The following RBL1 variants were observed in gnomAD, a reference collection of about 807,000 sequenced individuals.
RBL1 encodes RB transcriptional corepressor like 1, also known as retinoblastoma-like protein 1.
RBL1 carries 82 observed loss-of-function variants against 123.0 expected under a neutral mutation model. The observed-to-expected ratio is 0.67, with a 90% CI of 0.56 to 0.80. The LOEUF is 0.80. Ranked by LOEUF, RBL1 falls within the 30% of genes least tolerant of loss-of-function variation. The pLI, the probability that RBL1 is intolerant of heterozygous loss-of-function variation, is 0.00. For synonymous variants in RBL1, 405 were observed against 441.3 expected, an observed-to-expected ratio of 0.92 and a Z score of 1.03; for missense variants, 1,171 against 1,299.6, an observed-to-expected ratio of 0.90 and a Z score of 1.52.
chr20:37,018,327 C>A lies in RBL1; in HGVS notation c.2674G>T (p.Val892Leu). ...TCATTTATATTTTTATTATATGCCA[C>A]AACTTCTCTTGGAATACTTTTCAGC... is the stretch of plus-strand genomic sequence containing the variant. ...VLLKSIPREVVAYNKNINDDF... is the reference protein window; with the variant it reads ...VLLKSIPREVLAYNKNINDDF... The change falls in exon 19 of 22, where the codon GTG becomes TTG. Residue 892 changes from valine (V) to leucine (L), a missense_variant. Physicochemically the swap from Val to Leu is conservative, Grantham distance 32. Transcript: ENST00000373664. 1 of 1,611,334 alleles carries A rather than the reference C, an allele frequency of 6.2e-7. No homozygotes were observed. The highest frequency in any genetic ancestry group is 8.5e-7 in the Non-Finnish European group (1 of 1,179,132).
At chr20:37,085,195 G>A (rs927557197) in intron 2 of RBL1, among the ~76,000 whole-genome samples, 6 of 146,382 alleles carry the variant, frequency 4.1e-5, no homozygotes, top group African/African-American at 7.6e-5. Flanking sequence ...ACAATGGCAC[G>A]ATCTCTGCTA....
At chr20:37,016,021 G>A (rs1435995370) in intron 19 of RBL1, among the ~76,000 whole-genome samples, 2 of 112,502 alleles carry the variant, frequency 1.8e-5, no homozygotes, top group African/African-American at 6.7e-5. Context: ...GTGCCCAGCG[G>A]TTTTTTTTTT....
chr20:37,056,023 G>A, intron 10 of RBL1, 123 bp downstream of exon 10: 3 of 1,442,550 alleles, frequency 2.1e-6, no homozygotes, highest in Non-Finnish European at 1.8e-6. Context: ...CTCCAGCCTG[G>A]GCAACTCGGT....
chr20:37,023,054 C>A (rs1262548859), intron 16 of RBL1, among the ~76,000 whole-genome samples: 1 of 151,742 alleles, frequency 6.6e-6, no homozygotes, highest in East Asian at 1.9e-4. Context: ...ATGCTGCCAA[C>A]TATGTAAAGT....
At chr20:37,066,017 T>A (rs551038857) in intron 6 of RBL1, among the ~76,000 whole-genome samples, 1 of 152,302 alleles carries the variant, frequency 6.6e-6, no homozygotes, top group East Asian at 1.9e-4. Context: ...ATACAAAAAT[T>A]TGTATAAAAG....
At chr20:37,065,292 A>G in intron 7 of RBL1, 132 bp downstream of exon 7, 1 of 614,282 alleles carries the variant, frequency 1.6e-6, no homozygotes, top group South Asian at 2.8e-5. Flanking sequence ...TAAACATTCA[A>G]TGCCACTAAA....
chr20:37,032,056 C>T (rs1335692257), intron 16 of RBL1, among the ~76,000 whole-genome samples: 7 of 151,782 alleles, frequency 4.6e-5, no homozygotes, highest in Non-Finnish European at 8.8e-5. Context: ...TTTGAACAGA[C>T]ACCTGTACAC....
At chr20:37,042,438 T>C (rs2064744921) in intron 13 of RBL1, among the ~76,000 whole-genome samples, 1 of 152,084 alleles carries the variant, frequency 6.6e-6, no homozygotes, top group Non-Finnish European at 1.5e-5. Context: ...ACATTGACCG[T>C]AGGAACAATA....
chr20:37,012,903 C>G (rs1315751442), intron 19 of RBL1, among the ~76,000 whole-genome samples: 1 of 146,100 alleles, frequency 6.8e-6, no homozygotes, highest in South Asian at 2.2e-4. Context: ...CCGCCCCGTC[C>G]GGGAGGGAGG....
chr20:37,053,957 G>A (rs1415141078), intron 11 of RBL1, among the ~76,000 whole-genome samples: 1 of 152,016 alleles, frequency 6.6e-6, no homozygotes, highest in Admixed American at 6.6e-5. Context: ...AGGGGTAGCA[G>A]GAAGGAGATC....
intron 19 of RBL1, among the ~76,000 whole-genome samples, chr20:37,016,068 C>T (rs8115057): frequency 0.26 from 37,222 of 142,790 alleles, 5,563 homozygotes; most frequent in African/African-American, 0.41. Flanking sequence ...CACGCTGTCA[C>T]CCAGGCTGGA....
intron 2 of RBL1, among the ~76,000 whole-genome samples, chr20:37,070,330 C>G (rs559533667): frequency 4.1e-4 from 62 of 152,214 alleles, no homozygotes; most frequent in Non-Finnish European, 7.1e-4. Flanking sequence ...ACACAAACAC[C>G]GCGGAAGGCC....
At chr20:37,015,299 G>GA (rs1002907247) in intron 19 of RBL1, among the ~76,000 whole-genome samples, 23 of 152,170 alleles carry the variant, frequency 1.5e-4, no homozygotes, top group African/African-American at 5.3e-4. Context: ...GTTTCTCATA[G>GA]AAAAAACACA....
intron 20 of RBL1, among the ~76,000 whole-genome samples, chr20:37,007,036 C>T (rs2064085614): frequency 6.6e-6 from 1 of 151,722 alleles, no homozygotes; most frequent in African/African-American, 2.4e-5. Flanking sequence ...TGCTTGAGTC[C>T]AGGAGTTCAA....
chr20:37,019,924 A>T (rs2064313315), intron 18 of RBL1, among the ~76,000 whole-genome samples: 1 of 152,174 alleles, frequency 6.6e-6, no homozygotes, highest in South Asian at 2.1e-4. Flanking sequence ...GAACAATATA[A>T]TCAGAAATGT....
At position 37,003,428 on chromosome 20, in the gene RBL1, GT is replaced by G. The variant is rs1386040162; in HGVS notation, c.3036+273del. On this transcript the variant is annotated intron_variant, in intron 21 of 21. Transcript: ENST00000373664. ...CCCCCAGGTCTGACCACTTGCAGGT[GT>G]TGCCTTACTGGTCCCTTCTCAAGAT... is the stretch of plus-strand genomic sequence containing the variant. The G allele has an allele frequency of 1.9e-5, 8 of 427,082 alleles. No individual in the cohort carries two copies. In the East Asian group the frequency reaches 6.3e-4, roughly 34 times the overall value. 26.5% of individuals were successfully genotyped at this position (427,082 alleles called of 1,614,324 possible).
chr20:37,095,031 T>C (rs750152704), intron 1 of RBL1, among the ~76,000 whole-genome samples: 1 of 152,174 alleles, frequency 6.6e-6, no homozygotes, highest in Non-Finnish European at 1.5e-5. Flanking sequence ...TGCCATGCCA[T>C]GTTCACAGGG....
intron 13 of RBL1, among the ~76,000 whole-genome samples, chr20:37,043,185 C>CACAA (rs1460142165): frequency 6.6e-6 from 1 of 151,040 alleles, no homozygotes; most frequent in African/African-American, 2.4e-5. Context: ...CACACACACA[C>CACAA]AATTAGCCGG....
intron 19 of RBL1, among the ~76,000 whole-genome samples, chr20:37,013,190 G>A (rs184461735): frequency 8.5e-5 from 13 of 152,226 alleles, no homozygotes; most frequent in Middle Eastern, 3.2e-3. Flanking sequence ...GATGGTTGCC[G>A]TGTCTGTGTA....
Sources: allele counts gnomAD v4.1 joint callset (sites outside exome capture counted in the v4.1 genomes callset), GRCh38; gene constraint gnomAD v4.1.1; transcripts MANE v1.5; gene names NCBI Gene and HGNC (gene_info 2026-07-23, HGNC 2026-07-21).